Variants in LRRIQ3 observed in about 807,000 individuals in gnomAD.
LRRIQ3 encodes the protein leucine rich repeats and IQ motif containing 3, also known as leucine-rich repeat and IQ domain-containing protein 3.
Under a neutral mutation model 59.3 loss-of-function variants are expected in LRRIQ3, and 75 were observed. That is an observed-to-expected ratio of 1.26 (90% confidence interval 1.05 to 1.53). The LOEUF is 1.53. Among genes scored for constraint, LRRIQ3 ranks in the 40% most tolerant of loss-of-function variants. The pLI is 0.00. For synonymous variants in LRRIQ3, 250 were observed against 231.3 expected (o/e 1.08, Z -0.73); for missense variants, 831 against 710.0 (o/e 1.17, Z -1.94).
At position 74,131,224 on chromosome 1, in the gene LRRIQ3, T is replaced by C. The variant is rs144917123; in HGVS notation, c.708-21671A>G. Among the ~76,000 whole-genome samples, 311 of 152,000 alleles carry C rather than the reference T, an allele frequency of 2.0e-3. 5 individuals carry two copies. In the East Asian group the frequency reaches 0.026, roughly 13 times the overall value. ...CCAATAACAGGCTCTGAAATTGAGG[T>C]AATAATTAATAGCCTACAGACCAAA... is the stretch of plus-strand genomic sequence containing the variant. On this transcript the variant is annotated intron_variant, in intron 4 of 7. Coordinates refer to ENST00000354431, the MANE Select transcript of LRRIQ3 (RefSeq NM_001105659.2).
intron 5 of LRRIQ3, among the ~76,000 whole-genome samples, chr1:74,101,918 G>A (rs1288565459): frequency 6.6e-6 from 1 of 152,044 alleles, no homozygotes; most frequent in Admixed American, 6.6e-5. Context: ...ATATGGTGGG[G>A]GGAGCGGGGA....
intron 5 of LRRIQ3, among the ~76,000 whole-genome samples, chr1:74,075,341 TG>T (rs1377965358): frequency 1.1e-4 from 17 of 151,914 alleles, no homozygotes; most frequent in African/African-American, 3.9e-4. Flanking sequence ...CCGAGGCAGG[TG>T]GATCACCTGA....
intron 4 of LRRIQ3, among the ~76,000 whole-genome samples, chr1:74,127,060 T>TAA (rs1646945616): frequency 6.6e-6 from 1 of 151,916 alleles, no homozygotes; most frequent in African/African-American, 2.4e-5. Flanking sequence ...TATTTAAAAT[T>TAA]GTTATATCCC....
intron 7 of LRRIQ3, among the ~76,000 whole-genome samples, chr1:74,039,229 A>G (rs567790364): frequency 4.7e-4 from 72 of 152,294 alleles, no homozygotes; most frequent in Non-Finnish European, 6.3e-4. Context: ...ACGATATCAG[A>G]GTTTGAAGAC....
chr1:74,180,628 C>G (rs1649918877), intron 3 of LRRIQ3: 2 of 1,196,486 alleles, frequency 1.7e-6, no homozygotes, highest in Admixed American at 2.6e-5. Context: ...TTTCCACACT[C>G]AGTGTGAAAA....
intron 5 of LRRIQ3, chr1:74,082,285 C>T (rs1444744560): frequency 5.3e-5 from 8 of 151,470 alleles, no homozygotes; most frequent in African/African-American, 1.9e-4. Context: ...TTAAAATCTG[C>T]ATTTTATTAA....
chr1:74,135,048 G>T (rs1647098750), intron 4 of LRRIQ3, among the ~76,000 whole-genome samples: 1 of 151,844 alleles, frequency 6.6e-6, no homozygotes, highest in Non-Finnish European at 1.5e-5. Context: ...TCAGCCAAAA[G>T]TAAAATAATG....
chr1:74,146,793 C>A (rs1242310862), intron 4 of LRRIQ3, among the ~76,000 whole-genome samples: 1 of 152,124 alleles, frequency 6.6e-6, no homozygotes, highest in Admixed American at 6.5e-5. Flanking sequence ...AGTGCCAAGC[C>A]AGAACTTGAA....
At chr1:74,103,201 T>C (rs1470716009) in intron 5 of LRRIQ3, among the ~76,000 whole-genome samples, 2 of 151,964 alleles carry the variant, frequency 1.3e-5, no homozygotes, top group Non-Finnish European at 2.9e-5. Flanking sequence ...ATTTCCCTCA[T>C]TTCCATTCTT....
At chr1:74,125,183 T>C (rs984636907) in intron 4 of LRRIQ3, among the ~76,000 whole-genome samples, 2 of 151,984 alleles carry the variant, frequency 1.3e-5, no homozygotes, top group African/African-American at 4.8e-5. Flanking sequence ...ACAGAAATGC[T>C]ACTGGTTTTT....
At chr1:74,068,060 T>C (rs1437883833) in intron 6 of LRRIQ3, among the ~76,000 whole-genome samples, 1 of 152,062 alleles carries the variant, frequency 6.6e-6, no homozygotes, top group Non-Finnish European at 1.5e-5. Flanking sequence ...ATAGTTTGCC[T>C]TCCAAGTTAT....
At chr1:74,168,815 G>T (rs1570248439) in intron 3 of LRRIQ3, among the ~76,000 whole-genome samples, 1 of 152,010 alleles carries the variant, frequency 6.6e-6, no homozygotes, top group African/African-American at 2.4e-5. Flanking sequence ...ATGGACATAT[G>T]TATTACTTGT....
At chr1:74,082,322 C>T (rs577201184) in intron 5 of LRRIQ3, 16 of 151,326 alleles carry the variant, frequency 1.1e-4, no homozygotes, top group South Asian at 1.0e-3. Flanking sequence ...CAATTAGTTA[C>T]GATAATATTT....
At chr1:74,039,624 C>A (rs1332219739) in intron 7 of LRRIQ3, among the ~76,000 whole-genome samples, 1 of 152,064 alleles carries the variant, frequency 6.6e-6, no homozygotes, top group Non-Finnish European at 1.5e-5. Flanking sequence ...AGAGTGGGGA[C>A]CAATATTCAT....
intron 6 of LRRIQ3, among the ~76,000 whole-genome samples, chr1:74,055,437 A>G (rs565028613): frequency 1.3e-5 from 2 of 152,072 alleles, no homozygotes; most frequent in South Asian, 4.2e-4. Flanking sequence ...ATTCATATAC[A>G]TGGAGTCATA....
chr1:74,128,638 G>T (rs1244888106), intron 4 of LRRIQ3, among the ~76,000 whole-genome samples: 4 of 152,032 alleles, frequency 2.6e-5, no homozygotes, highest in African/African-American at 4.8e-5. Context: ...TGTTTTCCTG[G>T]ATAGTCTTGA....
At chr1:74,173,527 T>C (rs1649456701) in intron 3 of LRRIQ3, among the ~76,000 whole-genome samples, 1 of 152,032 alleles carries the variant, frequency 6.6e-6, no homozygotes, top group African/African-American at 2.4e-5. Context: ...ATAGGTTTTT[T>C]CTTTGTTATC....
chr1:74,092,228 C>A (rs957667159), intron 5 of LRRIQ3, among the ~76,000 whole-genome samples: 3 of 152,034 alleles, frequency 2.0e-5, no homozygotes, highest in Admixed American at 2.0e-4. Context: ...AACAGTCAGT[C>A]ACTAAGTACT....
chr1:74,134,564 T>C (rs186361817), intron 4 of LRRIQ3, among the ~76,000 whole-genome samples: 79 of 152,078 alleles, frequency 5.2e-4, no homozygotes, highest in Admixed American at 1.3e-3. Context: ...CACTCTTTTC[T>C]TGGGTTTAAA....
Sources: allele counts gnomAD v4.1 joint callset (sites outside exome capture counted in the v4.1 genomes callset), GRCh38; gene constraint gnomAD v4.1.1; transcripts MANE v1.5; gene names NCBI Gene and HGNC (gene_info 2026-07-23, HGNC 2026-07-21).